Variants in PLCXD3 observed in about 807,000 individuals in gnomAD.
PLCXD3 encodes PI-PLC X domain-containing protein 3.
A neutral mutation model predicts 25.5 loss-of-function variants in PLCXD3; 19 were observed. The ratio of observed to expected loss-of-function variants is 0.75; its 90% CI spans 0.52 to 1.09. PLCXD3 has a LOEUF of 1.09. Among genes scored for constraint, PLCXD3 ranks in the 50% least tolerant of loss-of-function variants. PLCXD3 has a pLI of 0.00. For synonymous variants in PLCXD3, 174 were observed against 137.6 expected (o/e 1.26, Z -1.85); for missense variants, 411 against 388.1 (o/e 1.06, Z -0.50).
intron 1 of PLCXD3, among the ~76,000 whole-genome samples, chr5:41,403,410 T>TGTTTGTTTG (rs1345288584): frequency 7.2e-5 from 3 of 41,922 alleles, no homozygotes; most frequent in Non-Finnish European, 1.2e-4. Context: ...TGTTTTTTTT[T>TGTTTGTTTG]TTTTTTATTA....
In PLCXD3 at chr5:41,357,971, A is replaced by G. The variant is rs1744666328; in HGVS notation, c.812+23855T>C. Among the ~76,000 whole-genome samples the G allele has an allele frequency of 2.0e-5, 3 of 152,340 alleles. No individual in the cohort carries two copies. The South Asian group carries it at 6.2e-4, about 32-fold the overall frequency. Reference sequence around the variant, plus strand: ...CTAATTATTCTCAATGATAAAATCAATTCCTAGGGAATAAGCTTCTCAAAG... The same window carrying G: ...CTAATTATTCTCAATGATAAAATCAGTTCCTAGGGAATAAGCTTCTCAAAG... On this transcript the variant is annotated intron_variant, in intron 2 of 2. Transcript: ENST00000377801.
chr5:41,345,901 A>G (rs1744289000), intron 2 of PLCXD3, among the ~76,000 whole-genome samples: 1 of 147,208 alleles, frequency 6.8e-6, no homozygotes, highest in Non-Finnish European at 1.5e-5. Flanking sequence ...TCTTTTTGAG[A>G]CGGAGTCTCA....
chr5:41,405,963 T>C (rs1374000379), intron 1 of PLCXD3, among the ~76,000 whole-genome samples: 1 of 152,166 alleles, frequency 6.6e-6, no homozygotes, highest in Non-Finnish European at 1.5e-5. Context: ...CCGGTCACTG[T>C]CTTGACTTCA....
chr5:41,448,000 G>A (rs1396841525), intron 1 of PLCXD3, among the ~76,000 whole-genome samples: 1 of 152,182 alleles, frequency 6.6e-6, no homozygotes, highest in African/African-American at 2.4e-5. Flanking sequence ...CCAAAATTAT[G>A]GGGGACAAAG....
chr5:41,464,875 C>A (rs1015760715), intron 1 of PLCXD3, among the ~76,000 whole-genome samples: 3 of 151,916 alleles, frequency 2.0e-5, no homozygotes, highest in African/African-American at 7.2e-5. Context: ...TCTTCCATTT[C>A]ATCATTCCTT....
At chr5:41,420,660 A>T (rs935055826) in intron 1 of PLCXD3, among the ~76,000 whole-genome samples, 2 of 152,166 alleles carry the variant, frequency 1.3e-5, no homozygotes, top group African/African-American at 2.4e-5. Context: ...TCTCAGTGAC[A>T]AGTGACTGGC....
intron 1 of PLCXD3, among the ~76,000 whole-genome samples, chr5:41,507,938 TC>T (rs1749085162): frequency 6.6e-6 from 1 of 152,240 alleles, no homozygotes; most frequent in South Asian, 2.1e-4. Context: ...TATCTTTTTT[TC>T]CTCCAAAAAT....
chr5:41,348,771 G>A (rs1460743874), intron 2 of PLCXD3, among the ~76,000 whole-genome samples: 2 of 152,088 alleles, frequency 1.3e-5, no homozygotes. Flanking sequence ...CTGGGGAAGA[G>A]CAAGACCTGC....
Position 41,308,321 on chromosome 5 carries a change from A to G in PLCXD3, c.*5296T>C, listed in dbSNP as rs1187070074. On this transcript the variant is annotated 3_prime_UTR_variant, in exon 3 of 3. Coordinates refer to ENST00000377801, the MANE Select transcript of PLCXD3 (RefSeq NM_001005473.3). Reference sequence around the variant, plus strand: ...AAGTATGTCTGATTAAATATATGAGAAATATGCTAAAGAAATACTGTTTAT... The same window carrying G: ...AAGTATGTCTGATTAAATATATGAGGAATATGCTAAAGAAATACTGTTTAT... The G allele has an allele frequency of 6.6e-6, 1 of 152,188 alleles. No homozygotes were observed. The highest frequency in any genetic ancestry group is 1.5e-5 in the Non-Finnish European group (1 of 68,022). 9.4% of individuals were successfully genotyped at this position (152,188 alleles called of 1,614,324 possible). A position where few individuals can be genotyped will look rare whatever the true frequency, so the allele number is the denominator to read the frequency against.
At chr5:41,393,515 A>G (rs974564685) in intron 1 of PLCXD3, among the ~76,000 whole-genome samples, 9 of 152,200 alleles carry the variant, frequency 5.9e-5, no homozygotes, top group African/African-American at 1.9e-4. Flanking sequence ...CCAAACAAAC[A>G]AAAGGTGAAA....
rs1743106827 is a variant in PLCXD3, at chr5:41,310,423, G to A, written c.*3194C>T. ...TTTGTTTTGTTTTTTTGCCTCACAG[G>A]ACTTGTGAAATAGTCTTAAGAAACA... On this transcript the variant is annotated 3_prime_UTR_variant, in exon 3 of 3. Transcript: ENST00000377801. 6.6e-6 allele frequency: 1 copy of A among 151,976 alleles called. No individual in the cohort carries two copies. The highest frequency in any genetic ancestry group is 1.5e-5 in the Non-Finnish European group (1 of 67,978). The allele number at this position is 151,976 out of a possible 1,614,324, so 9.4% of individuals were successfully genotyped here.
In PLCXD3 at chr5:41,382,262, C is replaced by G. The variant is rs148305120; in HGVS notation, c.376G>C (p.Glu126Gln). ...LFSAKVNEGLEEINAFLTDHH... is the reference protein window; with the variant it reads ...LFSAKVNEGLQEINAFLTDHH... ...TCTGTGAGGAATGCATTGATCTCCTCAAGGCCTTCATTGACTTTGGCACTG... is the reference window on the plus strand; with the variant it reads ...TCTGTGAGGAATGCATTGATCTCCTGAAGGCCTTCATTGACTTTGGCACTG... The change falls in exon 2 of 3, where the codon GAG becomes CAG. Residue 126 changes from glutamate (E) to glutamine (Q), a missense_variant. Physicochemically the swap from Glu to Gln is conservative, Grantham distance 29 (BLOSUM62 2). Transcript: ENST00000377801. The G allele has an allele frequency of 4.8e-4, 775 of 1,613,614 alleles. No individual in the cohort carries two copies. Among genetic ancestry groups the G allele is most frequent in the Middle Eastern group, 1.5e-3 (9 of 6,076 alleles).
At chr5:41,503,792 T>C (rs565130845) in intron 1 of PLCXD3, among the ~76,000 whole-genome samples, 2 of 152,274 alleles carry the variant, frequency 1.3e-5, no homozygotes, top group South Asian at 4.1e-4. Flanking sequence ...TATAAACTTC[T>C]TGAGGACATT....
intron 2 of PLCXD3, among the ~76,000 whole-genome samples, chr5:41,358,435 T>C (rs916292688): frequency 6.6e-6 from 1 of 152,134 alleles, no homozygotes; most frequent in African/African-American, 2.4e-5. Flanking sequence ...CAATATGTAG[T>C]CTTTTATTCC....
chr5:41,376,128 T>C (rs944644555), intron 2 of PLCXD3, among the ~76,000 whole-genome samples: 1 of 152,036 alleles, frequency 6.6e-6, no homozygotes, highest in African/African-American at 2.4e-5. Flanking sequence ...AAATTCTACC[T>C]TACACTCAAG....
intron 2 of PLCXD3, among the ~76,000 whole-genome samples, chr5:41,331,153 A>T (rs1743791898): frequency 6.6e-6 from 1 of 152,182 alleles, no homozygotes; most frequent in African/African-American, 2.4e-5. Flanking sequence ...AGGAAGCCAA[A>T]TTGTCCCTGT....
rs550395678 is a variant in PLCXD3 at position 41,380,894 on chromosome 5, A to T, written c.812+932T>A. Among the ~76,000 whole-genome samples the T allele has an allele frequency of 5.9e-4, 90 of 152,158 alleles. 1 individual carries two copies. Among genetic ancestry groups the T allele is most frequent in the Non-Finnish European group, 2.5e-4 (17 of 68,004 alleles). ...TGTCACACTCGCAGGAAAAACTGTG[A>T]TTGCTCAAATTATACCTCACAGGTA... On this transcript the variant is annotated intron_variant, in intron 2 of 2. Coordinates refer to ENST00000377801, the MANE Select transcript of PLCXD3 (RefSeq NM_001005473.3).
At position 41,330,352 on chromosome 5, in the gene PLCXD3, T is replaced by C. The variant is rs1174544932; in HGVS notation, c.813-16582A>G. 8.6e-5 allele frequency among the ~76,000 whole-genome samples: 13 copies of C among 152,004 alleles called. 1 individual carries two copies. In the South Asian group the frequency reaches 2.7e-3, roughly 32 times the overall value. Reference sequence around the variant, plus strand: ...AATAAACTAGAAAATCAAGAAGAAATGGATAAATTCCTCGACACATACGCC... The same window carrying C: ...AATAAACTAGAAAATCAAGAAGAAACGGATAAATTCCTCGACACATACGCC... On this transcript the variant is annotated intron_variant, in intron 2 of 2. Coordinates refer to ENST00000377801, the MANE Select transcript of PLCXD3 (RefSeq NM_001005473.3).
At position 41,510,493 on chromosome 5, in the gene PLCXD3, A is replaced by C; in HGVS notation, c.34T>G (p.Leu12Val). The change falls in exon 1 of 3, where the codon TTA becomes GTA. Residue 12 changes from leucine (L) to valine (V), a missense_variant. Leu to Val is a conservative substitution (Grantham distance 32). Transcript: ENST00000377801. ...GGCAGAGTTGCCATCCAGTCGGCTAATTTCAGCTCGTTTTTCCCCTGAGAC... is the reference window on the plus strand; with the variant it reads ...GGCAGAGTTGCCATCCAGTCGGCTACTTTCAGCTCGTTTTTCCCCTGAGAC... ...ASSQGKNELK[L>V]ADWMATLPES... 1 of 1,613,216 alleles carries C rather than the reference A, an allele frequency of 6.2e-7. No homozygotes were observed. Among genetic ancestry groups the C allele is most frequent in the Non-Finnish European group, 8.5e-7 (1 of 1,179,574 alleles).
Sources: allele counts gnomAD v4.1 joint callset (sites outside exome capture counted in the v4.1 genomes callset), GRCh38; gene constraint gnomAD v4.1.1; transcripts MANE v1.5; gene names NCBI Gene and HGNC (gene_info 2026-07-23, HGNC 2026-07-21).